WWOX: variants seen among roughly 807,000 people sequenced by gnomAD.
WWOX encodes WW domain-containing oxidoreductase.
Under a neutral mutation model 46.2 loss-of-function variants are expected in WWOX, and 69 were observed. The observed-to-expected ratio is 1.49, with a 90% CI of 1.23 to 1.82. WWOX has a LOEUF of 1.82. WWOX is among the 40% of genes most tolerant of loss of function. The pLI is 0.00. For missense variants in WWOX, 919 were observed against 542.6 expected (o/e 1.69, Z -6.89); for synonymous variants, 359 against 202.6 (o/e 1.77, Z -6.56).
At chr16:78,503,693 G>A (rs1026213161) in intron 8 of WWOX, 3 of 152,244 alleles carry the variant, frequency 2.0e-5, no homozygotes, top group African/African-American at 7.2e-5. Flanking sequence ...ACCACCAGGG[G>A]GCATTGTGGT....
At chr16:78,520,108 G>A (rs2043316989) in intron 8 of WWOX, among the ~76,000 whole-genome samples, 3 of 152,164 alleles carry the variant, frequency 2.0e-5, no homozygotes, top group Admixed American at 2.0e-4. Flanking sequence ...TCCCATCCCG[G>A]CCACAGATAG....
chr16:79,105,892 TG>T (rs2049298742), intron 8 of WWOX: 1 of 152,208 alleles, frequency 6.6e-6, no homozygotes, highest in Non-Finnish European at 1.5e-5. Context: ...AAGCTGGCCT[TG>T]AACTCCTGGA....
intron 8 of WWOX, among the ~76,000 whole-genome samples, chr16:79,015,721 C>T (rs949187284): frequency 1.3e-5 from 2 of 152,124 alleles, no homozygotes; most frequent in East Asian, 1.9e-4. Flanking sequence ...TGGGCTGTTT[C>T]GTCTCTGATC....
chr16:78,857,741 A>C (rs1326238630), intron 8 of WWOX, among the ~76,000 whole-genome samples: 2 of 152,252 alleles, frequency 1.3e-5, no homozygotes, highest in Non-Finnish European at 2.9e-5. Flanking sequence ...ACTTTGACTC[A>C]TGCTCATAAC....
At chr16:78,408,217 A>G (rs2151948044) in intron 6 of WWOX, among the ~76,000 whole-genome samples, 1 of 151,998 alleles carries the variant, frequency 6.6e-6, no homozygotes, top group East Asian at 1.9e-4. Context: ...ATTGATCCCC[A>G]CCTTTCACCT....
chr16:78,915,061 G>C (rs1341392184), intron 8 of WWOX, among the ~76,000 whole-genome samples: 2 of 152,072 alleles, frequency 1.3e-5, no homozygotes, highest in Non-Finnish European at 1.5e-5. Flanking sequence ...GTTCAGGAAA[G>C]GGCTCTGAGC....
At chr16:78,589,100 C>T (rs16948140) in intron 8 of WWOX, among the ~76,000 whole-genome samples, 3,390 of 152,304 alleles carry the variant, frequency 0.022, 95 homozygotes, top group African/African-American at 0.074. Context: ...GTTTCTCCCT[C>T]AACCAATTGT....
At chr16:79,088,355 T>C (rs2048891456) in intron 8 of WWOX, among the ~76,000 whole-genome samples, 1 of 152,116 alleles carries the variant, frequency 6.6e-6, no homozygotes. Context: ...CGGCAGGAAT[T>C]TTGCAGCTGG....
chr16:78,814,670 G>A (rs145182288), intron 8 of WWOX, among the ~76,000 whole-genome samples: 2 of 152,292 alleles, frequency 1.3e-5, no homozygotes, highest in South Asian at 2.1e-4. Flanking sequence ...AGAAACCAGC[G>A]TGACATCCAG....
chr16:78,281,882 T>C (rs9926526), intron 5 of WWOX, among the ~76,000 whole-genome samples: 69,618 of 152,064 alleles, frequency 0.46, 16,790 homozygotes, highest in African/African-American at 0.61. Context: ...CCCCTCTTTA[T>C]TTAATCCCTT....
intron 8 of WWOX, among the ~76,000 whole-genome samples, chr16:79,046,444 G>T (rs990535854): frequency 6.6e-6 from 1 of 152,152 alleles, no homozygotes; most frequent in African/African-American, 2.4e-5. Context: ...TGTTTTACAT[G>T]GTTCTGGAGA....
chr16:78,422,887 A>ACACAT (rs1555536433), intron 6 of WWOX, among the ~76,000 whole-genome samples: 1 of 129,044 alleles, frequency 7.7e-6, no homozygotes, highest in African/African-American at 3.2e-5. Flanking sequence ...ACACACACAT[A>ACACAT]TATTTTTTTT....
At chr16:78,878,514 G>C (rs1279665443) in intron 8 of WWOX, among the ~76,000 whole-genome samples, 1 of 152,076 alleles carries the variant, frequency 6.6e-6, no homozygotes, top group East Asian at 1.9e-4. Flanking sequence ...AAAAGGCTTG[G>C]TTTAATCTCT....
Position 78,499,726 on chromosome 16 carries a change from C to T in WWOX, c.1056+66974C>T, listed in dbSNP as rs182176946. Among the ~76,000 whole-genome samples the T allele has an allele frequency of 1.1e-4, 17 of 152,212 alleles. 1 individual carries two copies. The East Asian group carries it at 2.9e-3, about 26-fold the overall frequency. ...TCTTATTTTTTTTAATCTGTAGCTC[C>T]AGTATCCAGCCCAGGACTTGACACC... On this transcript the variant is annotated intron_variant, in intron 8 of 8. Coordinates refer to ENST00000566780, the MANE Select transcript of WWOX (RefSeq NM_016373.4).
At chr16:78,880,892 C>T (rs1201065236) in intron 8 of WWOX, among the ~76,000 whole-genome samples, 1 of 151,652 alleles carries the variant, frequency 6.6e-6, no homozygotes, top group Non-Finnish European at 1.5e-5. Context: ...CAGATCAGGT[C>T]AGACGTAGGT....
intron 5 of WWOX, among the ~76,000 whole-genome samples, chr16:78,287,878 C>T (rs1413274846): frequency 6.6e-6 from 1 of 152,180 alleles, no homozygotes; most frequent in African/African-American, 2.4e-5. Flanking sequence ...TTTTAATGTT[C>T]CATTCTGAAG....
intron 8 of WWOX, among the ~76,000 whole-genome samples, chr16:78,924,031 T>C (rs1294511819): frequency 6.6e-6 from 1 of 151,944 alleles, no homozygotes; most frequent in Non-Finnish European, 1.5e-5. Context: ...TAGCCAAGGA[T>C]GGTTTTGATA....
At chr16:78,607,114 T>G (rs577677894) in intron 8 of WWOX, among the ~76,000 whole-genome samples, 1 of 151,972 alleles carries the variant, frequency 6.6e-6, no homozygotes, top group African/African-American at 2.4e-5. Flanking sequence ...TCAGATTGGA[T>G]GAAAAGTTGA....
At chr16:78,210,511 T>A (rs1181744760) in intron 5 of WWOX, among the ~76,000 whole-genome samples, 4 of 151,726 alleles carry the variant, frequency 2.6e-5, no homozygotes, top group East Asian at 1.9e-4. Flanking sequence ...AGACACACAC[T>A]CTCTCTCTCT....
Sources: gnomAD v4.1 joint callset for allele counts (sites outside exome capture counted in the v4.1 genomes callset) on GRCh38, gnomAD v4.1.1 for gene constraint, MANE v1.5 for transcripts, NCBI Gene and HGNC (gene_info 2026-07-23, HGNC 2026-07-21) for gene names.